SAMD7: variants seen among roughly 807,000 people sequenced by gnomAD.
SAMD7 encodes sterile alpha motif domain-containing protein 7.
In SAMD7, 34 loss-of-function variants were observed where a neutral mutation model predicts 36.7. That is an observed-to-expected ratio of 0.93 (90% CI 0.71 to 1.23). The LOEUF (loss-of-function observed/expected upper bound fraction) is 1.23, where lower values mean the gene tolerates loss of function less well. Among genes scored for constraint, SAMD7 ranks in the 50% most tolerant of loss-of-function variants. The pLI is 0.00. For synonymous variants in SAMD7, 188 were observed against 189.7 expected, an observed-to-expected ratio of 0.99 and a Z score of 0.07; for missense variants, 570 against 546.6, an observed-to-expected ratio of 1.04 and a Z score of -0.43.
intron 7 of SAMD7, among the ~76,000 whole-genome samples, chr3:169,934,109 C>T (rs185991346): frequency 2.0e-5 from 3 of 152,198 alleles, no homozygotes. Context: ...GTGGACAGGG[C>T]CAGGTCACAG....
chr3:169,925,205 CATATAACAAATGAATAGATGAATAT>C (rs1713207649), intron 5 of SAMD7, 69 bp downstream of exon 5: 1 of 974,900 alleles, frequency 1.0e-6, no homozygotes, highest in African/African-American at 1.6e-5. Context: ...TTGTTATCTT[CATATAACAAATGAATAGATGAATAT>C]ATATAACAAA....
chr3:169,936,641 A>G (rs1439952135), intron 8 of SAMD7, among the ~76,000 whole-genome samples, 192 bp downstream of exon 8: 4 of 152,200 alleles, frequency 2.6e-5, no homozygotes, highest in Non-Finnish European at 4.4e-5. Flanking sequence ...ATTCCTAGAT[A>G]TAACTGGGAA....
chr3:169,926,597 A>G lies in SAMD7; in HGVS notation c.335A>G (p.Glu112Gly), dbSNP rs1713267454. ...MYAIYQQRRM[E>G]KINPKGLAGL... ...GCTATTTACCAGCAAAGGAGAATGGAAAAAATTAATCCCAAGGGACTAGCA... is the reference window on the plus strand; with the variant it reads ...GCTATTTACCAGCAAAGGAGAATGGGAAAAATTAATCCCAAGGGACTAGCA... Residue 112 changes from glutamate (E) to glycine (G), a missense_variant, in exon 6 of 9, where the codon GAA becomes GGA. Glu to Gly is a moderately conservative substitution (Grantham distance 98, BLOSUM62 -2). Transcript: ENST00000335556. 1.2e-6 allele frequency: 2 copies of G among 1,612,766 alleles called. No individual in the cohort carries two copies. Among genetic ancestry groups the G allele is most frequent in the Non-Finnish European group, 1.7e-6 (2 of 1,179,312 alleles).
At chr3:169,917,994 G>A (rs1351932821) in intron 2 of SAMD7, among the ~76,000 whole-genome samples, 1 of 150,966 alleles carries the variant, frequency 6.6e-6, no homozygotes, top group Non-Finnish European at 1.5e-5. Flanking sequence ...CTGGGGTGCA[G>A]TGGCGCCATC....
intron 5 of SAMD7, 36 bp downstream of exon 5, chr3:169,925,172 C>A: frequency 1.5e-6 from 2 of 1,341,532 alleles, no homozygotes; most frequent in South Asian, 1.2e-5. Flanking sequence ...ATTCTCTATT[C>A]ATTCACTTGC....
rs775356916 is a variant in SAMD7, at chr3:169,921,282, C to T, written c.155C>T (p.Ser52Phe). 3 of 1,614,048 alleles carry T rather than the reference C, an allele frequency of 1.9e-6. No homozygotes were observed. The South Asian group carries it at 3.3e-5, about 18-fold the overall frequency. ...TTTTGCGTTCCTTCCCAATTTGGATCCTCTGTTCTACCAAACACAAATATG... is the reference window on the plus strand; with the variant it reads ...TTTTGCGTTCCTTCCCAATTTGGATTCTCTGTTCTACCAAACACAAATATG... ...RQFCVPSQFGSSVLPNTNMAN... is the reference protein window; with the variant it reads ...RQFCVPSQFGFSVLPNTNMAN... Residue 52 changes from serine (S) to phenylalanine (F), a missense_variant, in exon 4 of 9, where the codon TCC (serine) becomes TTC (phenylalanine). Ser to Phe is a radical substitution (Grantham distance 155, BLOSUM62 -2). Coordinates refer to ENST00000335556, the MANE Select transcript of SAMD7 (RefSeq NM_001304366.2).
Position 169,938,584 on chromosome 3 carries a change from C to A in SAMD7, c.*78C>A. Reference sequence around the variant, plus strand: ...TATTACAAAGGATGTGTGAGGATTTCCCAGTACTGGATGGAGAATGAGAAG... The same window carrying A: ...TATTACAAAGGATGTGTGAGGATTTACCAGTACTGGATGGAGAATGAGAAG... On this transcript the variant is annotated 3_prime_UTR_variant, in exon 9 of 9. Transcript: ENST00000335556. 1.1e-6 allele frequency: 1 copy of A among 912,160 alleles called. No individual in the cohort carries two copies. Among genetic ancestry groups the A allele is most frequent in the South Asian group, 1.7e-5 (1 of 58,340 alleles). 56.5% of individuals were successfully genotyped at this position (912,160 alleles called of 1,614,324 possible). A position where few individuals can be genotyped will look rare whatever the true frequency, so the allele number is the denominator to read the frequency against.
intron 7 of SAMD7, among the ~76,000 whole-genome samples, chr3:169,935,729 A>G (rs986852135): frequency 4.7e-4 from 71 of 152,184 alleles, no homozygotes; most frequent in Non-Finnish European, 1.9e-4. Flanking sequence ...GTATCCCTCT[A>G]TCTGCCTGGA....
chr3:169,933,456 T>C (rs964332778), intron 7 of SAMD7, among the ~76,000 whole-genome samples: 1 of 152,184 alleles, frequency 6.6e-6, no homozygotes, highest in Non-Finnish European at 1.5e-5. Flanking sequence ...CCTTCTGAAT[T>C]CCTCAGCAAT....
At chr3:169,919,832 G>A (rs904006289) in intron 3 of SAMD7, among the ~76,000 whole-genome samples, 5 of 152,204 alleles carry the variant, frequency 3.3e-5, no homozygotes, top group African/African-American at 1.2e-4. Flanking sequence ...GACAGGCATT[G>A]TGCAGGTGCA....
chr3:169,930,010 G>A (rs965557598), intron 7 of SAMD7, among the ~76,000 whole-genome samples: 1 of 152,220 alleles, frequency 6.6e-6, no homozygotes, highest in Admixed American at 6.5e-5. Context: ...ACAACCGGAA[G>A]AGCAACCCTT....
chr3:169,926,331 A>T (rs1713254485), intron 5 of SAMD7: 2 of 1,335,690 alleles, frequency 1.5e-6, no homozygotes. Context: ...TAAAGGTAAC[A>T]CTCTAAAGAC....
chr3:169,927,072 GAAAGC>G lies in SAMD7; in HGVS notation c.815_819del (p.Ala272GlyfsTer18). 2 of 1,610,346 alleles carry G rather than the reference GAAAGC, an allele frequency of 1.2e-6. No homozygotes were observed. Among genetic ancestry groups the G allele is most frequent in the Non-Finnish European group, 1.7e-6 (2 of 1,179,020 alleles). On this transcript the variant is annotated frameshift_variant, in exon 6 of 9. Coordinates refer to ENST00000335556, the MANE Select transcript of SAMD7 (RefSeq NM_001304366.2). LOFTEE classifies it high-confidence loss of function. ...CCTGGGGGTCTCACACCACTACCCT[GAAAGC>G]AAAGGCCTGGGACGATGGGAAAGAG...
At position 169,921,329 on chromosome 3, in the gene SAMD7, A is replaced by C; in HGVS notation, c.202A>C (p.Ile68Leu). The C allele has an allele frequency of 6.2e-7, 1 of 1,614,124 alleles. No homozygotes were observed. The highest frequency in any genetic ancestry group is 1.7e-5 in the Admixed American group (1 of 60,020). The part of the protein sequence containing the change: ...TNMANVLSSR[I>L]YPGWGILPPE... The stretch of plus-strand genomic sequence containing the variant: ...TATGGCAAATGTGTTGTCCAGTCGG[A>C]TCTACCCAGGTATGAGCAATAGAAG... The change falls in exon 4 of 9, where the codon ATC becomes CTC. Residue 68 changes from isoleucine to leucine, a missense_variant. Physicochemically the swap from Ile to Leu is conservative, Grantham distance 5 (BLOSUM62 2). Transcript: ENST00000335556.
At chr3:169,917,832 A>G (rs2108255954) in intron 2 of SAMD7, among the ~76,000 whole-genome samples, 1 of 152,160 alleles carries the variant, frequency 6.6e-6, no homozygotes, top group Non-Finnish European at 1.5e-5. Context: ...TAGGAGAGAC[A>G]TGGTTTCACC....
rs1481503388 is a variant in SAMD7 at position 169,929,506 on chromosome 3, C to T, written c.1041+928C>T. On this transcript the variant is annotated intron_variant, in intron 7 of 8. Transcript: ENST00000335556. ...TATTATTATTTTTTAGTTCAGTTTA[C>T]GGGACTTACGGAAAAACTATATAGA... is the stretch of plus-strand genomic sequence containing the variant. Among the ~76,000 whole-genome samples the T allele has an allele frequency of 4.6e-5, 7 of 152,062 alleles. No individual in the cohort carries two copies. The South Asian group carries it at 6.2e-4, about 14-fold the overall frequency.
chr3:169,929,476 T>TTTA (rs1418805953), intron 7 of SAMD7, among the ~76,000 whole-genome samples: 1 of 152,196 alleles, frequency 6.6e-6, no homozygotes, highest in Non-Finnish European at 1.5e-5. Flanking sequence ...TCTTTTTCTT[T>TTTA]TTATTATTAT....
At chr3:169,935,113 G>C (rs957150840) in intron 7 of SAMD7, among the ~76,000 whole-genome samples, 6 of 152,216 alleles carry the variant, frequency 3.9e-5, no homozygotes, top group Non-Finnish European at 8.8e-5. Flanking sequence ...ACTGCAGAAT[G>C]ACTGGGAAAT....
intron 2 of SAMD7, among the ~76,000 whole-genome samples, chr3:169,917,020 A>C (rs949750096): frequency 6.6e-6 from 1 of 152,226 alleles, no homozygotes; most frequent in Admixed American, 6.5e-5. Flanking sequence ...GGTGGTAACT[A>C]AACTCTCTGA....
Sources: allele counts gnomAD v4.1 joint callset (sites outside exome capture counted in the v4.1 genomes callset), GRCh38; gene constraint gnomAD v4.1.1; transcripts MANE v1.5; gene names NCBI Gene and HGNC (gene_info 2026-07-23, HGNC 2026-07-21).